The following TBK1 variants were observed in gnomAD, a reference collection of about 807,000 sequenced individuals.
The protein encoded by TBK1 is serine/threonine-protein kinase TBK1.
In TBK1, 37 loss-of-function variants were observed where a neutral mutation model predicts 99.9. That is an observed-to-expected ratio of 0.37 (90% confidence interval 0.28 to 0.49). The LOEUF is 0.49. TBK1 is among the 20% of genes least tolerant of loss of function. The pLI, the probability that TBK1 is intolerant of heterozygous loss-of-function variation, is 0.98. For synonymous variants in TBK1, 258 were observed against 279.8 expected, an observed-to-expected ratio of 0.92 and a Z score of 0.78; for missense variants, 644 against 872.5, an observed-to-expected ratio of 0.74 and a Z score of 3.30.
intron 1 of TBK1, among the ~76,000 whole-genome samples, chr12:64,453,942 GAAT>G (rs1352411218): frequency 5.3e-5 from 8 of 152,098 alleles, no homozygotes; most frequent in African/African-American, 1.4e-4. Context: ...AACTTTTCAG[GAAT>G]AATAATTTTT....
In TBK1 at chr12:64,466,956, A is replaced by C; in HGVS notation, c.414A>C (p.Pro138=). Residue 138 remains proline, a synonymous_variant, in exon 5 of 21, where the codon CCA becomes CCC. Transcript: ENST00000331710. ...ENGIVHRDIK[P]GNIMRVIGED... ...GTATAGTGCACCGTGATATCAAGCC[A>C]GGAAATATCATGCGTGTTATAGGGG... The C allele has an allele frequency of 6.2e-7, 1 of 1,612,970 alleles. No homozygotes were observed. The highest frequency in any genetic ancestry group is 8.5e-7 in the Non-Finnish European group (1 of 1,179,456).
At chr12:64,454,932 C>T (rs1028239136) in intron 1 of TBK1, among the ~76,000 whole-genome samples, 28 of 151,822 alleles carry the variant, frequency 1.8e-4, no homozygotes, top group African/African-American at 6.3e-4. Context: ...CCGCCTCGGC[C>T]TCCCAAAGTG....
chr12:64,474,405 G>C lies in TBK1; in HGVS notation c.701+15G>C, dbSNP rs374619568. The C allele has an allele frequency of 6.3e-7, 1 of 1,594,176 alleles. No individual in the cohort carries two copies. The highest frequency in any genetic ancestry group is 1.1e-5 in the South Asian group (1 of 87,250). On this transcript the variant is annotated intron_variant, in intron 6 of 20. Coordinates refer to ENST00000331710, the MANE Select transcript of TBK1 (RefSeq NM_013254.4). ...AAAGAAGTGATGTAAGTGGTTTCCCGATCTAAAATCAGAGAAGCATTTAAA... is the reference window on the plus strand; with the variant it reads ...AAAGAAGTGATGTAAGTGGTTTCCCCATCTAAAATCAGAGAAGCATTTAAA...
chr12:64,474,226 T>A lies in TBK1; in HGVS notation c.541-4T>A. 1 of 1,605,362 alleles carries A rather than the reference T, an allele frequency of 6.2e-7. No individual in the cohort carries two copies. Among genetic ancestry groups the A allele is most frequent in the African/African-American group, 1.3e-5 (1 of 74,434 alleles). On this transcript the variant is annotated splice_region_variant and splice_polypyrimidine_tract_variant and intron_variant, in intron 5 of 20. Transcript: ENST00000331710. The stretch of plus-strand genomic sequence containing the variant: ...TGATTTTTTTCTTTTTTTTTTAATC[T>A]TAGCACCCTGATATGTATGAGAGAG...
At chr12:64,466,538 T>A (rs539470888) in intron 4 of TBK1, among the ~76,000 whole-genome samples, 7 of 152,236 alleles carry the variant, frequency 4.6e-5, no homozygotes, top group Middle Eastern at 3.4e-3. Context: ...GAAAGATTGA[T>A]ATCTTTTTTG....
In TBK1 at chr12:64,474,343, A is replaced by G; in HGVS notation, c.654A>G (p.Ser218=). The change falls in exon 6 of 21, where the codon TCA becomes TCG. Residue 218 remains serine (S), a synonymous_variant. Transcript: ENST00000331710. ...GVTFYHAATG[S]LPFRPFEGPR... ...CATTTTACCATGCAGCTACTGGATCACTGCCATTTAGACCCTTTGAAGGGC... is the reference window on the plus strand; with the variant it reads ...CATTTTACCATGCAGCTACTGGATCGCTGCCATTTAGACCCTTTGAAGGGC... The G allele has an allele frequency of 6.2e-7, 1 of 1,614,124 alleles. No homozygotes were observed. Among genetic ancestry groups the G allele is most frequent in the Non-Finnish European group, 8.5e-7 (1 of 1,180,012 alleles).
At chr12:64,486,044 T>C (rs1042055662) in intron 11 of TBK1, 27 bp downstream of exon 11, 6 of 1,503,162 alleles carry the variant, frequency 4.0e-6, no homozygotes, top group Non-Finnish European at 5.4e-6. Flanking sequence ...AATTTTGAAA[T>C]TGATTTTCAT....
At chr12:64,470,334 AATAG>A (rs2040650005) in intron 5 of TBK1, among the ~76,000 whole-genome samples, 1 of 152,182 alleles carries the variant, frequency 6.6e-6, no homozygotes, top group Non-Finnish European at 1.5e-5. Flanking sequence ...ATAATAAAAT[AATAG>A]ATATTTAATA....
At chr12:64,466,809 TAA>T in intron 4 of TBK1, 90 bp from the exon 5 acceptor site, 1 of 1,040,824 alleles carries the variant, frequency 9.6e-7, no homozygotes, top group Non-Finnish European at 1.3e-6. Context: ...AAATTTATAT[TAA>T]GTTTGGGTGA....
At chr12:64,494,870 A>G (rs568577016) in intron 13 of TBK1, among the ~76,000 whole-genome samples, 2 of 152,352 alleles carry the variant, frequency 1.3e-5, no homozygotes, top group East Asian at 3.9e-4. Flanking sequence ...TTGAAAGGCA[A>G]TAGTGTGTAT....
intron 4 of TBK1, among the ~76,000 whole-genome samples, chr12:64,464,734 A>G (rs758512337): frequency 2.6e-5 from 4 of 152,174 alleles, no homozygotes; most frequent in Non-Finnish European, 4.4e-5. Context: ...TTTTATCCAG[A>G]CAACTCAACA....
Position 64,480,003 on chromosome 12 carries a change from C to T in TBK1, c.702-9C>T, listed in dbSNP as rs1397102578. ...CTGCTTATTTTATTCTGCTTTTGTT[C>T]CTCCCAAGGTATAAAATAATTACAG... is the stretch of plus-strand genomic sequence containing the variant. On this transcript the variant is annotated splice_polypyrimidine_tract_variant and intron_variant, in intron 6 of 20. Transcript: ENST00000331710. 6.3e-7 allele frequency: 1 copy of T among 1,590,492 alleles called. No homozygotes were observed. The highest frequency in any genetic ancestry group is 1.4e-5 in the African/African-American group (1 of 73,872).
At chr12:64,469,492 GTCTTC>G (rs2040640392) in intron 5 of TBK1, among the ~76,000 whole-genome samples, 1 of 152,084 alleles carries the variant, frequency 6.6e-6, no homozygotes, top group Admixed American at 6.6e-5. Flanking sequence ...TCTGTTGGTG[GTCTTC>G]TCAGTTATAT....
intron 3 of TBK1, among the ~76,000 whole-genome samples, chr12:64,463,905 C>T (rs1248010550): frequency 5.3e-5 from 8 of 150,074 alleles, no homozygotes; most frequent in Non-Finnish European, 1.0e-4. Context: ...CGCTCTGTCA[C>T]CAGGCTGGAC....
At chr12:64,470,247 G>C (rs1287400862) in intron 5 of TBK1, among the ~76,000 whole-genome samples, 2 of 152,020 alleles carry the variant, frequency 1.3e-5, no homozygotes, top group Non-Finnish European at 2.9e-5. Flanking sequence ...ATCTTGAAAT[G>C]AAATTCCTAG....
In TBK1 at chr12:64,501,477, C is replaced by A; in HGVS notation, c.*96C>A. 1 of 1,222,546 alleles carries A rather than the reference C, an allele frequency of 8.2e-7. No individual in the cohort carries two copies. The highest frequency in any genetic ancestry group is 1.2e-6 in the Non-Finnish European group (1 of 848,390). 75.7% of individuals were successfully genotyped at this position (1,222,546 alleles called of 1,614,324 possible). A position where few individuals can be genotyped will look rare whatever the true frequency, so the allele number is the denominator to read the frequency against. ...CTTTATAGATAGTCACTTGTTTCTA[C>A]AATTCAGTATTTGATGTGGTCGTGT... is the stretch of plus-strand genomic sequence containing the variant. On this transcript the variant is annotated 3_prime_UTR_variant, in exon 21 of 21. Coordinates refer to ENST00000331710, the MANE Select transcript of TBK1 (RefSeq NM_013254.4).
At chr12:64,467,187 C>G (rs2040615145) in intron 5 of TBK1, 105 bp downstream of exon 5, 9 of 909,658 alleles carry the variant, frequency 9.9e-6, no homozygotes, top group Non-Finnish European at 1.4e-5. Flanking sequence ...ATTTTTATGA[C>G]AAAAATTAAA....
chr12:64,461,229 A>AT (rs778424545), intron 3 of TBK1, among the ~76,000 whole-genome samples: 1 of 152,080 alleles, frequency 6.6e-6, no homozygotes, highest in Non-Finnish European at 1.5e-5. Flanking sequence ...AAAAATAAAA[A>AT]TTTTGTATTT....
chr12:64,466,975 A>T lies in TBK1; in HGVS notation c.433A>T (p.Ile145Leu). The T allele has an allele frequency of 6.2e-7, 1 of 1,613,100 alleles. No homozygotes were observed. The highest frequency in any genetic ancestry group is 1.7e-4 in the Middle Eastern group (1 of 6,056). ...DIKPGNIMRVIGEDGQSVYKL... is the reference protein window; with the variant it reads ...DIKPGNIMRVLGEDGQSVYKL... ...CAAGCCAGGAAATATCATGCGTGTT[A>T]TAGGGGAAGATGGACAGTCTGTGTA... The change falls in exon 5 of 21, where the codon ATA (isoleucine) becomes TTA (leucine). Residue 145 changes from isoleucine (I) to leucine (L), a missense_variant. Coordinates refer to ENST00000331710, the MANE Select transcript of TBK1 (RefSeq NM_013254.4).
Sources: gnomAD v4.1 joint callset for allele counts (sites outside exome capture counted in the v4.1 genomes callset) on GRCh38, gnomAD v4.1.1 for gene constraint, MANE v1.5 for transcripts, NCBI Gene and HGNC (gene_info 2026-07-23, HGNC 2026-07-21) for gene names.